The following TMEM273 variants were observed in gnomAD, a reference collection of about 807,000 sequenced individuals.
TMEM273 encodes transmembrane protein 273, also known as chromosome 10 open reading frame 128.
Under a neutral mutation model 17.9 loss-of-function variants are expected in TMEM273, and 19 were observed. The observed-to-expected ratio is 1.06, with a 90% CI of 0.74 to 1.55. TMEM273 has a LOEUF of 1.55. Among genes scored for constraint, TMEM273 ranks in the 40% most tolerant of loss-of-function variants. The pLI, the probability that TMEM273 is intolerant of heterozygous loss-of-function variation, is 0.00. For synonymous variants in TMEM273, 66 were observed against 62.0 expected (o/e 1.07, Z -0.31); for missense variants, 194 against 155.6 (o/e 1.25, Z -1.31).
intron 1 of TMEM273, among the ~76,000 whole-genome samples, chr10:49,179,801 A>G (rs7073561): frequency 0.16 from 23,847 of 152,110 alleles, 2,228 homozygotes; most frequent in Non-Finnish European, 0.23. Flanking sequence ...GCCCCAAGAA[A>G]AGCCAGCTCC....
chr10:49,158,425 C>T (rs1444535948), intron 6 of TMEM273, among the ~76,000 whole-genome samples: 2 of 152,064 alleles, frequency 1.3e-5, no homozygotes, highest in East Asian at 3.8e-4. Flanking sequence ...AGCTCCCGCA[C>T]CATGAAAGAT....
At position 49,165,789 on chromosome 10, in the gene TMEM273, G is replaced by C. The variant is rs753072705; in HGVS notation, c.246C>G (p.Ile82Met). The part of the protein sequence containing the change: ...KSTPGGLSDT[I>M]PLKKRAPRKL... ...ACCTTGGGGCTCTCTTCTTTAGCGG[G>C]ATGGTGTCTAAACAGAGAAAGCCGG... Residue 82 changes from isoleucine (I) to methionine (M), a missense_variant, in exon 4 of 7, where the codon ATC becomes ATG. Physicochemically the swap from Ile to Met is conservative, Grantham distance 10 (BLOSUM62 1). Coordinates refer to ENST00000374153, the MANE Select transcript of TMEM273 (RefSeq NM_001288740.3). 24 of 1,614,062 alleles carry C rather than the reference G, an allele frequency of 1.5e-5. No individual in the cohort carries two copies. In the East Asian group the frequency reaches 4.7e-4, roughly 31 times the overall value.
chr10:49,156,800 C>T (rs1845540031), intron 6 of TMEM273, among the ~76,000 whole-genome samples: 1 of 152,070 alleles, frequency 6.6e-6, no homozygotes, highest in Admixed American at 6.5e-5. Context: ...ACCAAGGACA[C>T]ACGTAATGGT....
rs570446874 is a variant in TMEM273 at position 49,175,000 on chromosome 10, C to T, written c.44-7038G>A. On this transcript the variant is annotated intron_variant, in intron 1 of 6. Coordinates refer to ENST00000374153, the MANE Select transcript of TMEM273 (RefSeq NM_001288740.3). The stretch of plus-strand genomic sequence containing the variant: ...CCTGGGAGTGTCACAGAAGCTCCCC[C>T]GGAGAGATCATTATTTAAATTAAAA... Among the ~76,000 whole-genome samples, 109 of 151,856 alleles carry T rather than the reference C, an allele frequency of 7.2e-4. No homozygotes were observed. In the South Asian group the frequency reaches 0.017, roughly 24 times the overall value.
intron 1 of TMEM273, 129 bp downstream of exon 1, chr10:49,188,165 T>G: frequency 9.4e-7 from 1 of 1,060,646 alleles, no homozygotes; most frequent in Non-Finnish European, 1.4e-6. Context: ...CAGATCAAAG[T>G]GAGAAACATC....
At chr10:49,161,546 G>T in intron 6 of TMEM273, 53 bp downstream of exon 6, 1 of 1,612,636 alleles carries the variant, frequency 6.2e-7, no homozygotes, top group African/African-American at 1.3e-5. Flanking sequence ...AGCCCCATGG[G>T]GCAGAGACTG....
intron 5 of TMEM273, among the ~76,000 whole-genome samples, chr10:49,163,306 T>A (rs2725178): frequency 0.56 from 83,270 of 147,536 alleles, 23,511 homozygotes; most frequent in African/African-American, 0.65. Flanking sequence ...TGTGTGTGTG[T>A]GAGAGAGAGA....
chr10:49,167,312 A>T (rs778164747), intron 2 of TMEM273, among the ~76,000 whole-genome samples: 10 of 152,054 alleles, frequency 6.6e-5, no homozygotes, highest in Admixed American at 6.5e-5. Context: ...GCCCTTCCTC[A>T]CTGATCCCTT....
chr10:49,177,216 C>A (rs1490516620), intron 1 of TMEM273, among the ~76,000 whole-genome samples: 1 of 152,304 alleles, frequency 6.6e-6, no homozygotes, highest in East Asian at 1.9e-4. Context: ...ATGCTCAGTC[C>A]CCAGAGGAAA....
At chr10:49,163,421 T>C (rs892444269) in intron 5 of TMEM273, among the ~76,000 whole-genome samples, 1 of 152,090 alleles carries the variant, frequency 6.6e-6, no homozygotes, top group Non-Finnish European at 1.5e-5. Context: ...TTACATGCCC[T>C]AGATGCAGAG....
At chr10:49,167,125 A>C in intron 2 of TMEM273, 116 bp from the exon 3 acceptor site, 1 of 1,406,988 alleles carries the variant, frequency 7.1e-7, no homozygotes, top group Non-Finnish European at 9.6e-7. Flanking sequence ...CCACTGGCTG[A>C]GGCCAGCCTC....
intron 5 of TMEM273, among the ~76,000 whole-genome samples, chr10:49,162,619 A>G (rs1311285962): frequency 6.6e-6 from 1 of 152,128 alleles, no homozygotes; most frequent in African/African-American, 2.4e-5. Context: ...CTGTGCTAGA[A>G]TCTCCACATG....
chr10:49,182,183 C>G (rs1200360979), intron 1 of TMEM273, among the ~76,000 whole-genome samples: 1 of 152,122 alleles, frequency 6.6e-6, no homozygotes, highest in Admixed American at 6.5e-5. Flanking sequence ...CAAAATAAAA[C>G]AAATGTACCA....
intron 1 of TMEM273, among the ~76,000 whole-genome samples, chr10:49,173,588 C>T (rs1253339563): frequency 6.6e-6 from 1 of 152,196 alleles, no homozygotes; most frequent in Non-Finnish European, 1.5e-5. Flanking sequence ...CCATGTGTCA[C>T]ACCTCTCCCC....
intron 6 of TMEM273, among the ~76,000 whole-genome samples, chr10:49,156,977 G>A (rs909393201): frequency 6.6e-6 from 1 of 152,336 alleles, no homozygotes; most frequent in Non-Finnish European, 1.5e-5. Context: ...AAGATGGAAG[G>A]TTCAGAAGAA....
chr10:49,180,773 T>C (rs1024074477), intron 1 of TMEM273, among the ~76,000 whole-genome samples: 1 of 152,114 alleles, frequency 6.6e-6, no homozygotes, highest in Non-Finnish European at 1.5e-5. Context: ...TTCCTCAACT[T>C]CACAAAGAAT....
intron 5 of TMEM273, among the ~76,000 whole-genome samples, chr10:49,163,564 T>A (rs1025685437): frequency 6.6e-6 from 1 of 152,158 alleles, no homozygotes; most frequent in Non-Finnish European, 1.5e-5. Flanking sequence ...ATCATCCTGG[T>A]GCAACTTTTA....
intron 5 of TMEM273, among the ~76,000 whole-genome samples, chr10:49,164,309 C>T (rs541571756): frequency 1.3e-3 from 199 of 152,296 alleles, no homozygotes; most frequent in African/African-American, 4.4e-3. Flanking sequence ...TCCCAGGTCC[C>T]TGGGCCAGCT....
At chr10:49,185,996 G>GGAGGAA (rs1305679565) in intron 1 of TMEM273, among the ~76,000 whole-genome samples, 3 of 130,008 alleles carry the variant, frequency 2.3e-5, no homozygotes, top group Admixed American at 1.7e-4. Flanking sequence ...AGAAGGAGGA[G>GGAGGAA]GAGGAAGAGG....
Sources: gnomAD v4.1 joint callset for allele counts (sites outside exome capture counted in the v4.1 genomes callset) on GRCh38, gnomAD v4.1.1 for gene constraint, MANE v1.5 for transcripts, NCBI Gene and HGNC (gene_info 2026-07-23, HGNC 2026-07-21) for gene names.